TBC1D16: variants seen among roughly 807,000 people sequenced by gnomAD.
TBC1D16 encodes the protein TBC1 domain family member 16.
Under a neutral mutation model 74.7 loss-of-function variants are expected in TBC1D16, and 58 were observed. The ratio of observed to expected loss-of-function variants is 0.78; its 90% CI spans 0.63 to 0.97. The LOEUF (loss-of-function observed/expected upper bound fraction) is 0.97. Ranked by LOEUF, TBC1D16 falls within the 50% of genes least tolerant of loss-of-function variation. The pLI, the probability that TBC1D16 is intolerant of heterozygous loss-of-function variation, is 0.00. For missense variants in TBC1D16, 1,014 were observed against 1,079.5 expected, an observed-to-expected ratio of 0.94 and a Z score of 0.85; for synonymous variants, 493 against 474.7, an observed-to-expected ratio of 1.04 and a Z score of -0.50.
Position 79,956,904 on chromosome 17 carries a change from C to T in TBC1D16, c.780-4086G>A, listed in dbSNP as rs1318474964. 6.6e-6 allele frequency among the ~76,000 whole-genome samples: 1 copy of T among 152,122 alleles called. No individual in the cohort carries two copies. The highest frequency in any genetic ancestry group is 1.5e-5 in the Non-Finnish European group (1 of 68,030). The stretch of plus-strand genomic sequence containing the variant: ...CTAAGGGGTTGTGAGAGGGTTTAAG[C>T]CAACTTCTGCCTGGAGGCACGTTGC... On this transcript the variant is annotated intron_variant, in intron 3 of 11. Coordinates refer to ENST00000310924, the MANE Select transcript of TBC1D16 (RefSeq NM_019020.4). This position sits in a 1 kb window ranked among gnomAD's most constrained non-coding sequence, Gnocchi z 4.0.
At chr17:80,024,577 CA>C (rs2036460468) in intron 1 of TBC1D16, among the ~76,000 whole-genome samples, 1 of 148,188 alleles carries the variant, frequency 6.7e-6, no homozygotes. Flanking sequence ...ACACCATAGG[CA>C]CACACACCAC....
At chr17:80,011,524 T>C (rs1194660356) in intron 2 of TBC1D16, among the ~76,000 whole-genome samples, 2 of 152,054 alleles carry the variant, frequency 1.3e-5, no homozygotes, top group Non-Finnish European at 2.9e-5. Flanking sequence ...CTTCATTCTG[T>C]TTCACAAAAA....
intron 10 of TBC1D16, among the ~76,000 whole-genome samples, chr17:79,943,088 C>T (rs755444634): frequency 2.3e-4 from 35 of 152,228 alleles, no homozygotes; most frequent in Non-Finnish European, 1.6e-4. Context: ...ACAAACCAGA[C>T]GGAACGGTGT....
At position 79,988,988 on chromosome 17, in the gene TBC1D16, G is replaced by C. The variant is rs546649414; in HGVS notation, c.779+21172C>G. On this transcript the variant is annotated intron_variant, in intron 3 of 11. Coordinates refer to ENST00000310924, the MANE Select transcript of TBC1D16 (RefSeq NM_019020.4). This position sits in a 1 kb window ranked among gnomAD's most constrained non-coding sequence, Gnocchi z 5.7. Reference sequence around the variant, plus strand: ...GAGAAGAAGCCTTTCATCAGTAAAAGAGAAAACGGCTTCTCCAAAGGAAGT... The same window carrying C: ...GAGAAGAAGCCTTTCATCAGTAAAACAGAAAACGGCTTCTCCAAAGGAAGT... Among the ~76,000 whole-genome samples, 4 of 152,312 alleles carry C rather than the reference G, an allele frequency of 2.6e-5. No homozygotes were observed. Among genetic ancestry groups the C allele is most frequent in the Non-Finnish European group, 5.9e-5 (4 of 68,034 alleles).
At chr17:79,970,068 C>T (rs982656631) in intron 3 of TBC1D16, among the ~76,000 whole-genome samples, 15 of 152,126 alleles carry the variant, frequency 9.9e-5, no homozygotes, top group East Asian at 1.9e-4. Flanking sequence ...ATAAGGAAAT[C>T]GTGGCATCCA....
At chr17:80,025,935 C>T (rs66480562) in intron 1 of TBC1D16, 17,979 of 149,804 alleles carry the variant, frequency 0.12, 1,556 homozygotes, top group East Asian at 0.24. Context: ...GCACTCTGTA[C>T]CTTCTGCTCA....
chr17:79,968,125 TG>T (rs2033915859), intron 3 of TBC1D16, among the ~76,000 whole-genome samples: 1 of 152,230 alleles, frequency 6.6e-6, no homozygotes. Context: ...CCTGAGTAGC[TG>T]GGATTACAGG....
chr17:80,012,674 G>T (rs913693796), intron 2 of TBC1D16, among the ~76,000 whole-genome samples: 1 of 151,936 alleles, frequency 6.6e-6, no homozygotes, highest in Non-Finnish European at 1.5e-5. Flanking sequence ...GCCTCCCAAA[G>T]TGCTGGGATT....
chr17:79,953,871 A>G (rs1035875095), intron 3 of TBC1D16, among the ~76,000 whole-genome samples: 4 of 151,772 alleles, frequency 2.6e-5, no homozygotes, highest in African/African-American at 9.7e-5. Context: ...TCCGGGTTCA[A>G]GCGATTCTCC....
At chr17:79,949,321 C>T (rs2032835867) in intron 7 of TBC1D16, among the ~76,000 whole-genome samples, 1 of 152,216 alleles carries the variant, frequency 6.6e-6, no homozygotes, top group Non-Finnish European at 1.5e-5. Flanking sequence ...AGGGGCTTCA[C>T]CCAGTCCCAG....
chr17:80,027,536 T>C (rs1227746401), intron 1 of TBC1D16, among the ~76,000 whole-genome samples: 1 of 151,854 alleles, frequency 6.6e-6, no homozygotes, highest in Non-Finnish European at 1.5e-5. Context: ...GAGTTGAGGC[T>C]GCAATGAGCT....
At chr17:80,006,617 G>A (rs150708109) in intron 3 of TBC1D16, among the ~76,000 whole-genome samples, 66 of 152,048 alleles carry the variant, frequency 4.3e-4, no homozygotes, top group East Asian at 3.7e-3. Context: ...TCCAGGGCTC[G>A]CCCAGCCCCT....
chr17:80,030,246 A>C (rs1001918555), intron 1 of TBC1D16, among the ~76,000 whole-genome samples: 1 of 152,020 alleles, frequency 6.6e-6, no homozygotes, highest in African/African-American at 2.4e-5. Context: ...CTGATTTCCA[A>C]CTCGCAGGGC....
rs1334728845 is a variant in TBC1D16, at chr17:80,000,100, G to A, written c.779+10060C>T. On this transcript the variant is annotated intron_variant, in intron 3 of 11. Coordinates refer to ENST00000310924, the MANE Select transcript of TBC1D16 (RefSeq NM_019020.4). This position sits in a 1 kb window ranked among gnomAD's most constrained non-coding sequence, Gnocchi z 4.1. Reference sequence around the variant, plus strand: ...TCACTGCTCAGCCATCACTTGTGCTGAAGGCTTGAGCTCTGCGTCACCCTT... The same window carrying A: ...TCACTGCTCAGCCATCACTTGTGCTAAAGGCTTGAGCTCTGCGTCACCCTT... Among the ~76,000 whole-genome samples the A allele has an allele frequency of 6.6e-6, 1 of 152,152 alleles. No individual in the cohort carries two copies. Among genetic ancestry groups the A allele is most frequent in the Non-Finnish European group, 1.5e-5 (1 of 68,032 alleles).
intron 3 of TBC1D16, among the ~76,000 whole-genome samples, chr17:79,953,756 C>T (rs1279260256): frequency 1.3e-5 from 2 of 151,934 alleles, no homozygotes; most frequent in Admixed American, 6.5e-5. Flanking sequence ...GAGATTTTTT[C>T]TTTTTTTCTT....
intron 3 of TBC1D16, among the ~76,000 whole-genome samples, chr17:79,982,261 C>T (rs1170997901): frequency 6.6e-6 from 1 of 151,774 alleles, no homozygotes; most frequent in Non-Finnish European, 1.5e-5. Flanking sequence ...ATTCTCCTGC[C>T]TCAGCCTCCT....
chr17:80,012,396 C>G (rs2035928786), intron 2 of TBC1D16, among the ~76,000 whole-genome samples: 1 of 152,192 alleles, frequency 6.6e-6, no homozygotes, highest in South Asian at 2.1e-4. Context: ...CCTGCCCACA[C>G]AGCCGCAGCC....
chr17:80,035,550 G>C lies in TBC1D16; in HGVS notation c.-63+245C>G, dbSNP rs1470453391. Among the ~76,000 whole-genome samples, 1 of 151,934 alleles carries C rather than the reference G, an allele frequency of 6.6e-6. No homozygotes were observed. Among genetic ancestry groups the C allele is most frequent in the Admixed American group, 6.5e-5 (1 of 15,282 alleles). On this transcript the variant is annotated intron_variant, in intron 1 of 11. Transcript: ENST00000310924. The surrounding 1 kb of genome is among the most constrained non-coding windows in gnomAD (Gnocchi z 5.3). The stretch of plus-strand genomic sequence containing the variant: ...GGCCCGGGCGCCCTCACTCGCCGCG[G>C]GGAAAAGTCCCCAGGTGCCCCTCCG...
intron 3 of TBC1D16, among the ~76,000 whole-genome samples, chr17:79,991,358 G>GGCTGAA (rs1364312197): frequency 6.6e-6 from 1 of 151,874 alleles, no homozygotes; most frequent in African/African-American, 2.4e-5. Context: ...GGGAGGCTGA[G>GGCTGAA]GCTGACGCGA....
Sources: allele counts gnomAD v4.1 joint callset (sites outside exome capture counted in the v4.1 genomes callset), GRCh38; gene constraint gnomAD v4.1.1; non-coding constraint Gnocchi (gnomAD v3.1); transcripts MANE v1.5; gene names NCBI Gene and HGNC (gene_info 2026-07-23, HGNC 2026-07-21).